The following XPR1 variants were observed in gnomAD, a reference collection of about 807,000 sequenced individuals.
XPR1 encodes the protein xenotropic and polytropic retrovirus receptor 1.
Under a neutral mutation model 87.5 loss-of-function variants are expected in XPR1, and 28 were observed. The observed-to-expected ratio is 0.32, with a 90% CI of 0.24 to 0.44. The LOEUF is 0.44. Ranked by LOEUF, XPR1 falls within the 20% of genes least tolerant of loss-of-function variation. The pLI is 1.00. For missense variants in XPR1, 559 were observed against 862.3 expected, an observed-to-expected ratio of 0.65 and a Z score of 4.41; for synonymous variants, 300 against 306.1, an observed-to-expected ratio of 0.98 and a Z score of 0.21.
intron 1 of XPR1, among the ~76,000 whole-genome samples, chr1:180,642,130 A>G (rs1654980584): frequency 6.6e-6 from 1 of 152,222 alleles, no homozygotes. Context: ...AGTTATGGTC[A>G]CAAGTGGAAA....
At chr1:180,633,749 A>G (rs1379967719) in intron 1 of XPR1, among the ~76,000 whole-genome samples, 1 of 152,226 alleles carries the variant, frequency 6.6e-6, no homozygotes, top group African/African-American at 2.4e-5. Flanking sequence ...GTTTCTAATA[A>G]CATTTAGTTT....
intron 3 of XPR1, among the ~76,000 whole-genome samples, chr1:180,790,583 A>G (rs1314631025): frequency 6.6e-6 from 1 of 152,190 alleles, no homozygotes; most frequent in East Asian, 1.9e-4. Flanking sequence ...TCTGTCGCCC[A>G]GGCTGGAGTG....
intron 1 of XPR1, among the ~76,000 whole-genome samples, chr1:180,680,877 A>G (rs1656554822): frequency 6.6e-6 from 1 of 152,258 alleles, no homozygotes; most frequent in Admixed American, 6.5e-5. Flanking sequence ...ATTATTCAGT[A>G]TAAAAAGAAT....
intron 3 of XPR1, among the ~76,000 whole-genome samples, chr1:180,798,599 A>C (rs1029166764): frequency 2.6e-5 from 4 of 151,878 alleles, no homozygotes; most frequent in African/African-American, 9.7e-5. Flanking sequence ...TCTTTTATTA[A>C]TTGCTGTAGG....
intron 1 of XPR1, among the ~76,000 whole-genome samples, chr1:180,656,333 A>T (rs1274462079): frequency 2.6e-5 from 3 of 114,482 alleles, no homozygotes; most frequent in African/African-American, 3.6e-5. Context: ...ATTTATATAT[A>T]TAATATTTAT....
At chr1:180,705,214 T>C (rs1657519161) in intron 2 of XPR1, among the ~76,000 whole-genome samples, 1 of 152,124 alleles carries the variant, frequency 6.6e-6, no homozygotes, top group African/African-American at 2.4e-5. Context: ...CATTTTCTTA[T>C]TGAAGGTTGA....
intron 2 of XPR1, among the ~76,000 whole-genome samples, chr1:180,785,075 A>T (rs1250933103): frequency 7.5e-6 from 1 of 133,894 alleles, no homozygotes; most frequent in Non-Finnish European, 1.6e-5. Context: ...CCTTCTTCTG[A>T]TTAATGGCTA....
intron 2 of XPR1, among the ~76,000 whole-genome samples, chr1:180,701,435 G>C (rs1657327606): frequency 7.9e-6 from 1 of 126,640 alleles, no homozygotes; most frequent in East Asian, 2.0e-4. Context: ...AAGGGTTGTT[G>C]AATTTTGTCA....
At chr1:180,722,441 G>T (rs1006303352) in intron 2 of XPR1, among the ~76,000 whole-genome samples, 1 of 152,082 alleles carries the variant, frequency 6.6e-6, no homozygotes, top group Admixed American at 6.6e-5. Flanking sequence ...TATATGTTTT[G>T]ATTTTATTTA....
intron 2 of XPR1, among the ~76,000 whole-genome samples, chr1:180,751,170 T>A (rs1647521617): frequency 6.6e-6 from 1 of 152,070 alleles, no homozygotes; most frequent in Non-Finnish European, 1.5e-5. Context: ...GATAATTTTT[T>A]ACATAATATG....
chr1:180,694,420 C>T (rs976602857), intron 2 of XPR1, among the ~76,000 whole-genome samples: 6 of 151,996 alleles, frequency 3.9e-5, no homozygotes, highest in African/African-American at 7.3e-5. Context: ...GGTATGATCC[C>T]GGAAAGTGAA....
chr1:180,759,184 C>A (rs1194780228), intron 2 of XPR1, among the ~76,000 whole-genome samples: 1 of 152,096 alleles, frequency 6.6e-6, no homozygotes, highest in Non-Finnish European at 1.5e-5. Flanking sequence ...AAAATTGACA[C>A]CCTAACATCA....
At chr1:180,695,446 GCGCGCA>G in intron 2 of XPR1, among the ~76,000 whole-genome samples, 1 of 139,728 alleles carries the variant, frequency 7.2e-6, no homozygotes, top group South Asian at 2.4e-4. Context: ...GTGTGTATGC[GCGCGCA>G]CGCGCGCGCT....
chr1:180,808,313 T>C (rs1650076508), intron 6 of XPR1, among the ~76,000 whole-genome samples: 1 of 150,992 alleles, frequency 6.6e-6, no homozygotes, highest in South Asian at 2.1e-4. Context: ...TGAGCTTTCA[T>C]CCATACTTCA....
chr1:180,825,136 AT>A, intron 8 of XPR1, 28 bp from the exon 9 acceptor site: 1 of 1,565,056 alleles, frequency 6.4e-7, no homozygotes. Context: ...ATTTTTCTCT[AT>A]CTTTCTGTCT....
At chr1:180,776,941 C>T (rs1648747716) in intron 2 of XPR1, among the ~76,000 whole-genome samples, 1 of 152,114 alleles carries the variant, frequency 6.6e-6, no homozygotes, top group African/African-American at 2.4e-5. Flanking sequence ...AAGATAGACT[C>T]AGATCAGAAA....
intron 2 of XPR1, among the ~76,000 whole-genome samples, chr1:180,738,161 G>A (rs923525019): frequency 3.9e-5 from 6 of 151,988 alleles, no homozygotes; most frequent in Admixed American, 2.0e-4. Context: ...GCAGGTATGC[G>A]CCACCACGCC....
intron 11 of XPR1, among the ~76,000 whole-genome samples, chr1:180,839,511 T>C (rs1315668638): frequency 2.0e-5 from 3 of 151,548 alleles, no homozygotes; most frequent in African/African-American, 7.3e-5. Flanking sequence ...GCAAAAAATC[T>C]GGAACTTCAG....
intron 3 of XPR1, among the ~76,000 whole-genome samples, chr1:180,793,416 A>C (rs1296049961): frequency 6.6e-6 from 1 of 152,094 alleles, no homozygotes; most frequent in Non-Finnish European, 1.5e-5. Flanking sequence ...GTAAATGTTC[A>C]TTTTACAAAT....
Sources: gnomAD v4.1 joint callset for allele counts (sites outside exome capture counted in the v4.1 genomes callset) on GRCh38, gnomAD v4.1.1 for gene constraint, MANE v1.5 for transcripts, NCBI Gene and HGNC (gene_info 2026-07-23, HGNC 2026-07-21) for gene names.